STAG1: variants seen among roughly 807,000 people sequenced by gnomAD.
STAG1 encodes STAG1 cohesin complex component.
Under a neutral mutation model 170.9 loss-of-function variants are expected in STAG1, and 26 were observed. That is an observed-to-expected ratio of 0.15 (90% CI 0.11 to 0.21). The LOEUF is 0.21. Ranked by LOEUF, STAG1 falls within the 10% of genes least tolerant of loss-of-function variation. The pLI, the probability that STAG1 is intolerant of heterozygous loss-of-function variation, is 1.00. For synonymous variants in STAG1, 514 were observed against 497.7 expected (o/e 1.03, Z -0.44); for missense variants, 964 against 1,509.5 (o/e 0.64, Z 5.99).
At chr3:136,505,514 G>A (rs763858543) in intron 7 of STAG1, among the ~76,000 whole-genome samples, 3 of 151,980 alleles carry the variant, frequency 2.0e-5, no homozygotes, top group African/African-American at 7.3e-5. Flanking sequence ...TATTTCCACC[G>A]CATTTTACAA....
At chr3:136,445,365 T>C (rs749851506) in intron 14 of STAG1, among the ~76,000 whole-genome samples, 1 of 152,132 alleles carries the variant, frequency 6.6e-6, no homozygotes, top group African/African-American at 2.4e-5. Flanking sequence ...GAGTCAAAGA[T>C]GAACAATGGC....
intron 22 of STAG1, among the ~76,000 whole-genome samples, chr3:136,386,767 C>T (rs1325986521): frequency 6.6e-6 from 1 of 152,038 alleles, no homozygotes; most frequent in Non-Finnish European, 1.5e-5. Context: ...CAAAATTTTA[C>T]ATGGCTAGCG....
intron 4 of STAG1, among the ~76,000 whole-genome samples, chr3:136,603,491 A>C (rs1013918421): frequency 1.3e-5 from 2 of 152,336 alleles, no homozygotes; most frequent in Non-Finnish European, 2.9e-5. Flanking sequence ...ATACACACTA[A>C]AGAAAAATAA....
chr3:136,519,565 T>C (rs1484591183), intron 7 of STAG1, among the ~76,000 whole-genome samples: 1 of 151,918 alleles, frequency 6.6e-6, no homozygotes, highest in Non-Finnish European at 1.5e-5. Context: ...GAATTTCCTA[T>C]GCATGTGACA....
chr3:136,625,990 T>C (rs138526984), intron 2 of STAG1, among the ~76,000 whole-genome samples: 94 of 152,214 alleles, frequency 6.2e-4, no homozygotes, highest in African/African-American at 2.2e-3. Flanking sequence ...GAGATGGACG[T>C]TGCAGTGAGC....
chr3:136,720,711 C>T (rs1232053199), intron 1 of STAG1, among the ~76,000 whole-genome samples: 3 of 152,010 alleles, frequency 2.0e-5, no homozygotes, highest in African/African-American at 7.3e-5. Flanking sequence ...ATCACTAGAA[C>T]TCAGGAGGCG....
At chr3:136,502,902 A>T (rs1229479258) in intron 7 of STAG1, 123 bp from the exon 8 acceptor site, 2 of 722,570 alleles carry the variant, frequency 2.8e-6, no homozygotes, top group Non-Finnish European at 4.0e-6. Context: ...CAACCCAGGC[A>T]TAATTTAAGT....
At chr3:136,495,793 C>A (rs994642610) in intron 9 of STAG1, among the ~76,000 whole-genome samples, 1 of 151,496 alleles carries the variant, frequency 6.6e-6, no homozygotes. Context: ...ACGGTGAAAC[C>A]CCATCTCTAC....
chr3:136,692,252 T>C (rs1392528135), intron 1 of STAG1, among the ~76,000 whole-genome samples: 1 of 134,922 alleles, frequency 7.4e-6, no homozygotes, highest in Non-Finnish European at 1.5e-5. Context: ...AGGAAGAGGC[T>C]GCAGTGAGCC....
intron 1 of STAG1, among the ~76,000 whole-genome samples, chr3:136,724,554 G>A (rs1933546999): frequency 1.4e-5 from 2 of 147,362 alleles, no homozygotes; most frequent in African/African-American, 2.5e-5. Context: ...ATTGTCCTAT[G>A]ACCCTGCCAA....
chr3:136,690,814 A>C (rs1204440078), intron 1 of STAG1, among the ~76,000 whole-genome samples: 1 of 151,900 alleles, frequency 6.6e-6, no homozygotes, highest in African/African-American at 2.4e-5. Context: ...TATGGGAAAC[A>C]AAGGTGGTTA....
At chr3:136,549,716 T>C (rs1366837008) in intron 5 of STAG1, among the ~76,000 whole-genome samples, 2 of 151,614 alleles carry the variant, frequency 1.3e-5, no homozygotes, top group African/African-American at 4.8e-5. Flanking sequence ...ATACACAGAA[T>C]AGAAGTGGTG....
chr3:136,723,241 A>C lies in STAG1; in HGVS notation c.-84+28954T>G, dbSNP rs1933412946. On this transcript the variant is annotated intron_variant, in intron 1 of 33. Coordinates refer to ENST00000383202, the MANE Select transcript of STAG1 (RefSeq NM_005862.3). Reference sequence around the variant, plus strand: ...TGCCCGGCTGCCATCCCATCTAGGAAATGAGGAGCGCCTCTTCCCGGCCGC... The same window carrying C: ...TGCCCGGCTGCCATCCCATCTAGGACATGAGGAGCGCCTCTTCCCGGCCGC... Among the ~76,000 whole-genome samples the C allele has an allele frequency of 4.9e-5, 7 of 141,710 alleles. No homozygotes were observed. In the South Asian group the frequency reaches 1.6e-3, roughly 32 times the overall value. 93.0% of individuals were successfully genotyped at this position (141,710 alleles called of 152,430 possible).
intron 1 of STAG1, among the ~76,000 whole-genome samples, chr3:136,669,003 T>TTC (rs1941900088): frequency 6.6e-6 from 1 of 152,232 alleles, no homozygotes; most frequent in Admixed American, 6.5e-5. Context: ...CAAGGCAGAA[T>TTC]GTTCAGACTG....
At chr3:136,688,148 C>A (rs1942599315) in intron 1 of STAG1, among the ~76,000 whole-genome samples, 2 of 152,120 alleles carry the variant, frequency 1.3e-5, no homozygotes, top group Admixed American at 1.3e-4. Flanking sequence ...TGTTGAGGTA[C>A]TGTTTCAGTC....
intron 6 of STAG1, among the ~76,000 whole-genome samples, chr3:136,526,624 T>C (rs766886986): frequency 2.6e-5 from 4 of 152,218 alleles, no homozygotes; most frequent in South Asian, 2.1e-4. Context: ...ATGTGTGAAT[T>C]TGATCCTGTC....
chr3:136,408,224 T>C (rs1443832206), intron 21 of STAG1, among the ~76,000 whole-genome samples: 2 of 152,216 alleles, frequency 1.3e-5, no homozygotes, highest in African/African-American at 4.8e-5. Flanking sequence ...TCTAAATTCC[T>C]GGAACCACAA....
At chr3:136,514,897 C>A (rs1170617846) in intron 7 of STAG1, among the ~76,000 whole-genome samples, 1 of 151,926 alleles carries the variant, frequency 6.6e-6, no homozygotes, top group Non-Finnish European at 1.5e-5. Context: ...GAACGTCACA[C>A]ACCAGGGCCT....
intron 30 of STAG1, among the ~76,000 whole-genome samples, chr3:136,342,489 T>G (rs1342900317): frequency 6.6e-6 from 1 of 151,916 alleles, no homozygotes; most frequent in East Asian, 1.9e-4. Flanking sequence ...TGGCTAATTT[T>G]GTGGTGGTGG....
Sources: allele counts gnomAD v4.1 joint callset (sites outside exome capture counted in the v4.1 genomes callset), GRCh38; gene constraint gnomAD v4.1.1; transcripts MANE v1.5; gene names NCBI Gene and HGNC (gene_info 2026-07-23, HGNC 2026-07-21).